Variants in SYNDIG1 observed in about 807,000 individuals in gnomAD.
SYNDIG1 encodes synapse differentiation-inducing gene protein 1.
Under a neutral mutation model 19.4 loss-of-function variants are expected in SYNDIG1, and 9 were observed. The ratio of observed to expected loss-of-function variants is 0.46; its 90% CI spans 0.28 to 0.81. SYNDIG1 has a LOEUF of 0.81. Among genes scored for constraint, SYNDIG1 ranks in the 30% least tolerant of loss-of-function variants. SYNDIG1 has a pLI of 0.12. For synonymous variants in SYNDIG1, 141 were observed against 145.9 expected (o/e 0.97, Z 0.24); for missense variants, 311 against 343.3 (o/e 0.91, Z 0.74).
chr20:24,611,346 A>G (rs2147177597), intron 3 of SYNDIG1, among the ~76,000 whole-genome samples: 1 of 152,164 alleles, frequency 6.6e-6, no homozygotes, highest in South Asian at 2.1e-4. Flanking sequence ...GTGTCAGCCA[A>G]AGTCCCCAAG....
intron 1 of SYNDIG1, among the ~76,000 whole-genome samples, chr20:24,537,180 G>A (rs2057378968): frequency 6.6e-6 from 1 of 151,846 alleles, no homozygotes; most frequent in South Asian, 2.1e-4. Flanking sequence ...CACTACCTAT[G>A]CTGTTCCCTC....
chr20:24,511,457 G>A (rs575923237), intron 1 of SYNDIG1, among the ~76,000 whole-genome samples: 3 of 152,262 alleles, frequency 2.0e-5, no homozygotes, highest in African/African-American at 7.2e-5. Context: ...TGAACTGATG[G>A]GCAGGGTGAT....
At chr20:24,498,763 G>A (rs1017590152) in intron 1 of SYNDIG1, among the ~76,000 whole-genome samples, 2 of 152,134 alleles carry the variant, frequency 1.3e-5, no homozygotes, top group African/African-American at 4.8e-5. Context: ...CTTTCGTAAG[G>A]TTGACCAGTG....
At chr20:24,474,044 T>G (rs1197481507) in intron 1 of SYNDIG1, among the ~76,000 whole-genome samples, 1 of 152,236 alleles carries the variant, frequency 6.6e-6, no homozygotes, top group Non-Finnish European at 1.5e-5. Flanking sequence ...TGCACAGGAA[T>G]GTACCCAGGG....
intron 3 of SYNDIG1, among the ~76,000 whole-genome samples, chr20:24,661,514 G>GGAGGGAAGGAAGAGGGAGAGAA (rs1568723322): frequency 3.5e-5 from 5 of 144,770 alleles, no homozygotes; most frequent in East Asian, 2.1e-4. Flanking sequence ...GAGGGAGGAA[G>GGAGGGAAGGAAGAGGGAGAGAA]GAGGGAGGGA....
In SYNDIG1 at chr20:24,658,944, C is replaced by T. The variant is rs141524299; in HGVS notation, c.619-6402C>T. Among the ~76,000 whole-genome samples, 1,353 of 152,228 alleles carry T rather than the reference C, an allele frequency of 8.9e-3. 21 individuals carry two copies. Among genetic ancestry groups the T allele is most frequent in the African/African-American group, 0.03 (1,263 of 41,526 alleles). On this transcript the variant is annotated intron_variant, in intron 3 of 3. Transcript: ENST00000376862. The surrounding 1 kb of genome is among the most constrained non-coding windows in gnomAD (Gnocchi z 4.4). ...ATGTAGACGCAGCAAGTGGCACAGC[C>T]GAGCAGCATCTCCATCCCCAGGAGC...
At chr20:24,640,981 G>A (rs151327860) in intron 3 of SYNDIG1, among the ~76,000 whole-genome samples, 1 of 152,288 alleles carries the variant, frequency 6.6e-6, no homozygotes, top group African/African-American at 2.4e-5. Context: ...GTCCCCGGTG[G>A]GTGTTTAAAA....
chr20:24,481,264 G>A (rs868393874), intron 1 of SYNDIG1, among the ~76,000 whole-genome samples: 2 of 152,208 alleles, frequency 1.3e-5, no homozygotes, highest in African/African-American at 4.8e-5. Context: ...TGTGGGTCAG[G>A]AATTTGAAAG....
At chr20:24,503,929 C>T (rs1196828854) in intron 1 of SYNDIG1, among the ~76,000 whole-genome samples, 2 of 150,812 alleles carry the variant, frequency 1.3e-5, no homozygotes, top group Admixed American at 1.3e-4. Flanking sequence ...GCTTACAAAG[C>T]AGATCCGTGG....
intron 3 of SYNDIG1, among the ~76,000 whole-genome samples, chr20:24,634,052 G>A (rs888874815): frequency 5.3e-5 from 8 of 152,182 alleles, no homozygotes; most frequent in Non-Finnish European, 1.0e-4. Context: ...GAAAACAGAA[G>A]GAGGAGGAAG....
chr20:24,489,933 C>T (rs1476389651), intron 1 of SYNDIG1, among the ~76,000 whole-genome samples: 3 of 152,246 alleles, frequency 2.0e-5, no homozygotes, highest in Non-Finnish European at 4.4e-5. Context: ...TGCTGCAGTG[C>T]ATAGGAGCCC....
At chr20:24,509,525 T>C (rs1270750565) in intron 1 of SYNDIG1, among the ~76,000 whole-genome samples, 1 of 152,240 alleles carries the variant, frequency 6.6e-6, no homozygotes, top group Non-Finnish European at 1.5e-5. Flanking sequence ...GCTGTTGTTT[T>C]CTATAGTCAA....
At chr20:24,596,367 T>C (rs1568671443) in intron 3 of SYNDIG1, among the ~76,000 whole-genome samples, 1 of 151,572 alleles carries the variant, frequency 6.6e-6, no homozygotes, top group East Asian at 1.9e-4. Flanking sequence ...TAATTAAATG[T>C]GAAATCTCTA....
chr20:24,633,878 C>T (rs2059284948), intron 3 of SYNDIG1, among the ~76,000 whole-genome samples: 1 of 152,130 alleles, frequency 6.6e-6, no homozygotes, highest in Admixed American at 6.5e-5. Context: ...GGGCACAGCA[C>T]GTGACACCCG....
At chr20:24,510,515 G>A (rs1023148322) in intron 1 of SYNDIG1, among the ~76,000 whole-genome samples, 5 of 150,658 alleles carry the variant, frequency 3.3e-5, no homozygotes, top group African/African-American at 1.2e-4. Context: ...GTTGCAGTGA[G>A]CCGAGATTGC....
intron 3 of SYNDIG1, among the ~76,000 whole-genome samples, chr20:24,636,431 A>G (rs2059316921): frequency 6.6e-6 from 1 of 152,192 alleles, no homozygotes; most frequent in Non-Finnish European, 1.5e-5. Context: ...AGTCCATGGC[A>G]AAGTACATGG....
At chr20:24,574,334 A>C (rs1475512244) in intron 2 of SYNDIG1, among the ~76,000 whole-genome samples, 3 of 151,770 alleles carry the variant, frequency 2.0e-5, no homozygotes, top group African/African-American at 7.3e-5. Flanking sequence ...AAAAAAAAAA[A>C]AAAAATTAGC....
intron 3 of SYNDIG1, among the ~76,000 whole-genome samples, chr20:24,628,781 GCT>G (rs1273791585): frequency 6.6e-6 from 1 of 152,110 alleles, no homozygotes; most frequent in Non-Finnish European, 1.5e-5. Flanking sequence ...TCGCGCTAGG[GCT>G]CTGTCACCAT....
intron 3 of SYNDIG1, among the ~76,000 whole-genome samples, chr20:24,638,716 T>C: frequency 6.6e-6 from 1 of 152,156 alleles, no homozygotes; most frequent in East Asian, 1.9e-4. Context: ...TGATTGCTAC[T>C]GAAAACAAAC....
Sources: gnomAD v4.1 joint callset for allele counts (sites outside exome capture counted in the v4.1 genomes callset) on GRCh38, gnomAD v4.1.1 for gene constraint, Gnocchi (gnomAD v3.1) non-coding constraint, MANE v1.5 for transcripts, NCBI Gene and HGNC (gene_info 2026-07-23, HGNC 2026-07-21) for gene names.